TJP1: variants seen among roughly 807,000 people sequenced by gnomAD.
TJP1 encodes the protein tight junction protein ZO-1.
TJP1 carries 43 observed loss-of-function variants against 194.2 expected under a neutral mutation model. The ratio of observed to expected loss-of-function variants is 0.22; its 90% CI spans 0.17 to 0.29. The LOEUF (loss-of-function observed/expected upper bound fraction) is 0.29, where lower values mean the gene tolerates loss of function less well. Among genes scored for constraint, TJP1 ranks in the 10% least tolerant of loss-of-function variants. The pLI, the probability that TJP1 is intolerant of heterozygous loss-of-function variation, is 1.00. For synonymous variants in TJP1, 801 were observed against 779.0 expected (o/e 1.03, Z -0.47); for missense variants, 1,971 against 2,185.7 (o/e 0.90, Z 1.96).
rs548083669 is a variant in TJP1 at position 29,763,374 on chromosome 15, G to C, written c.590-936C>G. On this transcript the variant is annotated intron_variant, in intron 5 of 27. Coordinates refer to ENST00000614355, the MANE Select transcript of TJP1 (RefSeq NM_001330239.4). The stretch of plus-strand genomic sequence containing the variant: ...GATTGCCCCTGGTTCTGTGAGGAGA[G>C]TCTTACTGCATTAAAAACAAAATCA... Among the ~76,000 whole-genome samples the C allele has an allele frequency of 2.0e-5, 3 of 152,276 alleles. No individual in the cohort carries two copies. The East Asian group carries it at 5.8e-4, about 29-fold the overall frequency.
intron 1 of TJP1, among the ~76,000 whole-genome samples, chr15:29,814,275 A>G (rs2049742609): frequency 6.6e-6 from 1 of 152,250 alleles, no homozygotes; most frequent in Non-Finnish European, 1.5e-5. Flanking sequence ...TATTTTTAAG[A>G]GTAAACAATG....
At chr15:29,934,437 A>G (rs2054819925) in intron 2 of TJP1, among the ~76,000 whole-genome samples, 1 of 152,180 alleles carries the variant, frequency 6.6e-6, no homozygotes, top group South Asian at 2.1e-4. Context: ...ATTGGCATTA[A>G]GTTTATATTG....
At chr15:29,913,204 G>A (rs1422813625) in intron 2 of TJP1, among the ~76,000 whole-genome samples, 2 of 151,996 alleles carry the variant, frequency 1.3e-5, no homozygotes, top group African/African-American at 4.8e-5. Context: ...AAAAAAGGGG[G>A]TAGAATACGG....
chr15:29,764,586 T>C (rs2046214525), intron 5 of TJP1, among the ~76,000 whole-genome samples: 1 of 150,140 alleles, frequency 6.7e-6, no homozygotes, highest in African/African-American at 2.5e-5. Flanking sequence ...GGAGAAAGAG[T>C]GGGATGGATA....
chr15:29,724,072 T>C (rs2043093222), intron 18 of TJP1, among the ~76,000 whole-genome samples: 1 of 152,220 alleles, frequency 6.6e-6, no homozygotes. Context: ...GCAGGTTTGG[T>C]GTGGCTCTGC....
At chr15:29,929,967 C>A (rs527775999) in intron 2 of TJP1, among the ~76,000 whole-genome samples, 3 of 152,110 alleles carry the variant, frequency 2.0e-5, no homozygotes, top group Non-Finnish European at 4.4e-5. Flanking sequence ...TTATGCAATA[C>A]AACTGAAAAT....
intron 2 of TJP1, among the ~76,000 whole-genome samples, chr15:29,908,319 A>C (rs772719218): frequency 6.6e-6 from 1 of 152,152 alleles, no homozygotes; most frequent in African/African-American, 2.4e-5. Context: ...GAAAGTGTAA[A>C]GGACTGGGAT....
Position 29,701,442 on chromosome 15 carries a change from G to T in TJP1, c.*153C>A. 1 of 600,546 alleles carries T rather than the reference G, an allele frequency of 1.7e-6. No individual in the cohort carries two copies. Among genetic ancestry groups the T allele is most frequent in the Non-Finnish European group, 2.9e-6 (1 of 342,582 alleles). The allele number at this position is 600,546 out of a possible 1,614,324, so 37.2% of individuals were successfully genotyped here. On this transcript the variant is annotated 3_prime_UTR_variant, in exon 28 of 28. Transcript: ENST00000614355. ...CATGTTTTCCGACCATGGTTCAGGG[G>T]CATGCTCACTCATCTTTATCAGTTC... is the stretch of plus-strand genomic sequence containing the variant.
In TJP1 at chr15:29,701,432, TGGTTCAGGGG is replaced by T; in HGVS notation, c.*153_*162del. ...CAGTGTGTAGCATGTTTTCCGACCA[TGGTTCAGGGG>T]CATGCTCACTCATCTTTATCAGTTC... On this transcript the variant is annotated 3_prime_UTR_variant, in exon 28 of 28. Coordinates refer to ENST00000614355, the MANE Select transcript of TJP1 (RefSeq NM_001330239.4). 1.8e-6 allele frequency: 1 copy of T among 549,428 alleles called. No homozygotes were observed. The highest frequency in any genetic ancestry group is 2.8e-5 in the East Asian group (1 of 35,474). The allele number at this position is 549,428 out of a possible 1,614,324, so 34.0% of individuals were successfully genotyped here.
chr15:29,777,882 C>T (rs1018331588), intron 2 of TJP1, among the ~76,000 whole-genome samples: 3 of 152,084 alleles, frequency 2.0e-5, no homozygotes, highest in Non-Finnish European at 2.9e-5. Context: ...AAACGATTAT[C>T]CTTTCCCTTT....
intron 2 of TJP1, among the ~76,000 whole-genome samples, chr15:29,926,438 C>T (rs989847032): frequency 1.3e-5 from 2 of 151,888 alleles, no homozygotes; most frequent in Non-Finnish European, 1.5e-5. Context: ...ATGGTGAAAC[C>T]GTCTCTACAA....
intron 2 of TJP1, among the ~76,000 whole-genome samples, chr15:29,867,001 TG>T (rs2052330486): frequency 6.6e-6 from 1 of 152,326 alleles, no homozygotes; most frequent in Admixed American, 6.5e-5. Flanking sequence ...TTCATTCACG[TG>T]GGTACTCAAA....
In TJP1 at chr15:29,709,116, G is replaced by A. The variant is rs1299427484; in HGVS notation, c.4373-80C>T. On this transcript the variant is annotated intron_variant, in intron 24 of 27. Coordinates refer to ENST00000614355, the MANE Select transcript of TJP1 (RefSeq NM_001330239.4). Reference sequence around the variant, plus strand: ...CTGTCCCAGCTTAACTTGTCCTGGTGCTGGAGTCGAGGCCCAAATGTGGGT... The same window carrying A: ...CTGTCCCAGCTTAACTTGTCCTGGTACTGGAGTCGAGGCCCAAATGTGGGT... 2.9e-6 allele frequency: 4 copies of A among 1,395,328 alleles called. No individual in the cohort carries two copies. The African/African-American group carries it at 5.8e-5, about 20-fold the overall frequency. The allele number at this position is 1,395,328 out of a possible 1,614,324, so 86.4% of individuals were successfully genotyped here.
chr15:29,805,154 T>G (rs2049032765), intron 1 of TJP1, among the ~76,000 whole-genome samples: 1 of 152,248 alleles, frequency 6.6e-6, no homozygotes. Context: ...CAGCATCAAC[T>G]GACTAGAATC....
chr15:29,783,451 G>GAGCC (rs1567019731), intron 2 of TJP1, among the ~76,000 whole-genome samples: 1 of 152,078 alleles, frequency 6.6e-6, no homozygotes, highest in African/African-American at 2.4e-5. Flanking sequence ...ACTACCATTC[G>GAGCC]AGCCAGCAAT....
Position 29,700,208 on chromosome 15 carries a change from C to T in TJP1, c.*1387G>A. On this transcript the variant is annotated 3_prime_UTR_variant, in exon 28 of 28. Coordinates refer to ENST00000614355, the MANE Select transcript of TJP1 (RefSeq NM_001330239.4). The stretch of plus-strand genomic sequence containing the variant: ...AGAAATTTGAGATTTTTAATAACGG[C>T]AAAAGAAATTCAGTCACACCTAATG... 2.5e-6 allele frequency: 1 copy of T among 398,796 alleles called. No homozygotes were observed. The highest frequency in any genetic ancestry group is 4.4e-6 in the Non-Finnish European group (1 of 225,996). The allele number at this position is 398,796 out of a possible 1,614,324, so 24.7% of individuals were successfully genotyped here.
At chr15:29,744,640 T>C (rs2044646256) in intron 8 of TJP1, among the ~76,000 whole-genome samples, 1 of 152,120 alleles carries the variant, frequency 6.6e-6, no homozygotes, top group Non-Finnish European at 1.5e-5. Flanking sequence ...AAAAACAAAA[T>C]AATTTGTTTA....
intron 11 of TJP1, among the ~76,000 whole-genome samples, chr15:29,736,124 TA>T: frequency 6.6e-6 from 1 of 152,164 alleles, no homozygotes; most frequent in Non-Finnish European, 1.5e-5. Flanking sequence ...AAAACGCTGC[TA>T]AAAAATAAAG....
At chr15:29,740,173 C>G (rs1566933871) in intron 10 of TJP1, among the ~76,000 whole-genome samples, 1 of 151,742 alleles carries the variant, frequency 6.6e-6, no homozygotes, top group Non-Finnish European at 1.5e-5. Flanking sequence ...GATGGGTTTT[C>G]ACCATGTTAG....
Sources: allele counts gnomAD v4.1 joint callset (sites outside exome capture counted in the v4.1 genomes callset), GRCh38; gene constraint gnomAD v4.1.1; transcripts MANE v1.5; gene names NCBI Gene and HGNC (gene_info 2026-07-23, HGNC 2026-07-21).